UNC13C: variants seen among roughly 807,000 people sequenced by gnomAD.
UNC13C encodes unc-13 homolog C.
UNC13C carries 174 observed loss-of-function variants against 245.4 expected under a neutral mutation model. That is an observed-to-expected ratio of 0.71 (90% CI 0.63 to 0.80). UNC13C has a LOEUF of 0.80. Among genes scored for constraint, UNC13C ranks in the 30% least tolerant of loss-of-function variants. The pLI, the probability that UNC13C is intolerant of heterozygous loss-of-function variation, is 0.00. For missense variants in UNC13C, 2,829 were observed against 2,602.9 expected (o/e 1.09, Z -1.89); for synonymous variants, 992 against 895.1 (o/e 1.11, Z -1.93).
At chr15:54,136,241 G>A (rs1311582983) in intron 2 of UNC13C, among the ~76,000 whole-genome samples, 1 of 152,152 alleles carries the variant, frequency 6.6e-6, no homozygotes, top group African/African-American at 2.4e-5. Context: ...AGGCTCAGGT[G>A]ATCTTCCCAC....
chr15:53,839,042 A>G, the UNC13C span, among the ~76,000 whole-genome samples: 8 of 152,106 alleles, frequency 5.3e-5, no homozygotes, highest in African/African-American at 1.9e-4. Flanking sequence ...ATCTTTAGCT[A>G]TGAGCTTTTC....
At chr15:54,240,231 C>A (rs2035815025) in intron 7 of UNC13C, among the ~76,000 whole-genome samples, 1 of 152,094 alleles carries the variant, frequency 6.6e-6, no homozygotes, top group Admixed American at 6.6e-5. Flanking sequence ...TCGTAAAGCC[C>A]ATTTCCCTGG....
chr15:53,930,922 C>T, the UNC13C span, among the ~76,000 whole-genome samples: 8 of 152,246 alleles, frequency 5.3e-5, no homozygotes, highest in South Asian at 1.7e-3. Context: ...AAGTTATTGT[C>T]GACCTCTGCA....
At chr15:54,588,059 G>A (rs1898583848) in intron 30 of UNC13C, among the ~76,000 whole-genome samples, 1 of 152,150 alleles carries the variant, frequency 6.6e-6, no homozygotes, top group African/African-American at 2.4e-5. Context: ...TCACAAGGTA[G>A]ATTGGAGAGT....
At chr15:54,300,494 T>C in intron 13 of UNC13C, 121 bp downstream of exon 13, 1 of 1,024,416 alleles carries the variant, frequency 9.8e-7, no homozygotes, top group Non-Finnish European at 1.4e-6. Flanking sequence ...TATTTCACTG[T>C]GCATGTTTGA....
At chr15:54,280,289 A>G (rs1282888640) in intron 10 of UNC13C, among the ~76,000 whole-genome samples, 2 of 152,092 alleles carry the variant, frequency 1.3e-5, no homozygotes, top group East Asian at 3.9e-4. Flanking sequence ...CTTATTAAAA[A>G]GAATGATGTG....
In UNC13C at chr15:54,090,575, G is replaced by A. The variant is rs563686442; in HGVS notation, c.2984-52443G>A. Among the ~76,000 whole-genome samples the A allele has an allele frequency of 1.2e-4, 18 of 152,308 alleles. No homozygotes were observed. In the Middle Eastern group the frequency reaches 0.01, roughly 86 times the overall value. On this transcript the variant is annotated intron_variant, in intron 2 of 32. Transcript: ENST00000260323. ...TTCAAATCCATACATTCTGGCTCAA[G>A]TTTATGCTCTTAACCAATTATGTTG...
At chr15:54,021,522 C>T (rs999916198) in intron 2 of UNC13C, among the ~76,000 whole-genome samples, 1 of 152,192 alleles carries the variant, frequency 6.6e-6, no homozygotes, top group African/African-American at 2.4e-5. Context: ...ATTACAGATT[C>T]CTTTCTTTTT....
Position 54,494,496 on chromosome 15 carries a change from C to A in UNC13C, c.4934-112C>A, listed in dbSNP as rs545740295. 19 of 1,051,286 alleles carry A rather than the reference C, an allele frequency of 1.8e-5. No individual in the cohort carries two copies. The East Asian group carries it at 3.8e-4, about 21-fold the overall frequency. The allele number at this position is 1,051,286 out of a possible 1,614,324, so 65.1% of individuals were successfully genotyped here. A position where few individuals can be genotyped will look rare whatever the true frequency, so the allele number is the denominator to read the frequency against. Reference sequence around the variant, plus strand: ...TTAGCAATTCATTATACCTTTACATCTAATATACTATTTTCTTCCTTTTAG... The same window carrying A: ...TTAGCAATTCATTATACCTTTACATATAATATACTATTTTCTTCCTTTTAG... On this transcript the variant is annotated intron_variant, in intron 19 of 32. Coordinates refer to ENST00000260323, the MANE Select transcript of UNC13C (RefSeq NM_001080534.3).
At chr15:54,026,006 A>T (rs1411858676) in intron 2 of UNC13C, among the ~76,000 whole-genome samples, 1 of 152,074 alleles carries the variant, frequency 6.6e-6, no homozygotes, top group Non-Finnish European at 1.5e-5. Flanking sequence ...TTAGATTTAC[A>T]TTTCTGTTCT....
At chr15:54,243,600 T>TA (rs35212329) in intron 7 of UNC13C, among the ~76,000 whole-genome samples, 85,382 of 151,638 alleles carry the variant, frequency 0.56, 25,161 homozygotes, top group African/African-American at 0.74. Flanking sequence ...ACCAACAGTG[T>TA]AAAGCATTCC....
At chr15:54,481,174 G>A (rs1188984235) in intron 19 of UNC13C, among the ~76,000 whole-genome samples, 1 of 136,896 alleles carries the variant, frequency 7.3e-6, no homozygotes, top group Non-Finnish European at 1.6e-5. Context: ...ATTAGTGGAG[G>A]CTATGGCAAT....
chr15:54,097,482 T>C (rs149959094), intron 2 of UNC13C, among the ~76,000 whole-genome samples: 36 of 152,238 alleles, frequency 2.4e-4, no homozygotes, highest in African/African-American at 7.2e-4. Context: ...CCTGGTATTC[T>C]ATGTAGCTTG....
chr15:54,454,125 A>G (rs1158699301), intron 19 of UNC13C, among the ~76,000 whole-genome samples: 3 of 85,464 alleles, frequency 3.5e-5, no homozygotes, highest in African/African-American at 1.7e-4. Context: ...TTTTATTGTG[A>G]TATATATATA....
At chr15:54,534,817 A>T (rs1895919093) in intron 26 of UNC13C, among the ~76,000 whole-genome samples, 1 of 152,218 alleles carries the variant, frequency 6.6e-6, no homozygotes, top group Non-Finnish European at 1.5e-5. Context: ...GCTAAGTTTT[A>T]TAAGCATAGG....
intron 1 of UNC13C, among the ~76,000 whole-genome samples, chr15:54,009,602 A>G (rs938990174): frequency 1.3e-5 from 2 of 149,150 alleles, no homozygotes; most frequent in South Asian, 2.1e-4. Context: ...GCTGGAGTGC[A>G]GTGGCGTGAT....
chr15:54,631,877 T>C (rs1901463647), downstream of UNC13C: 1 of 152,238 alleles, frequency 6.6e-6, no homozygotes, highest in Admixed American at 6.5e-5. Context: ...CTAGGTCTTA[T>C]GATAAGTATA....
chr15:54,107,210 G>A (rs541525083), intron 2 of UNC13C, among the ~76,000 whole-genome samples: 1 of 151,952 alleles, frequency 6.6e-6, no homozygotes, highest in Non-Finnish European at 1.5e-5. Flanking sequence ...CTGAGCCTTT[G>A]TCTAAATTTT....
At chr15:54,552,967 A>ATATATATTATATATTGTATTCTATATTAC (rs1896899006) in intron 28 of UNC13C, among the ~76,000 whole-genome samples, 2 of 44,020 alleles carry the variant, frequency 4.5e-5, no homozygotes, top group African/African-American at 9.8e-5. Flanking sequence ...CTATATTACA[A>ATATATATTATATATTGTATTCTATATTAC]TATATATTAT....
Sources: allele counts gnomAD v4.1 joint callset (sites outside exome capture counted in the v4.1 genomes callset), GRCh38; gene constraint gnomAD v4.1.1; transcripts MANE v1.5; gene names NCBI Gene and HGNC (gene_info 2026-07-23, HGNC 2026-07-21).